The following HSPH1 variants were observed in gnomAD, a reference collection of about 807,000 sequenced individuals.
The protein encoded by HSPH1 is heat shock protein family H (Hsp110) member 1, also known as heat shock protein 105 kDa.
HSPH1 carries 40 observed loss-of-function variants against 100.0 expected under a neutral mutation model. That is an observed-to-expected ratio of 0.40 (90% confidence interval 0.31 to 0.52). The LOEUF (loss-of-function observed/expected upper bound fraction) is 0.52. HSPH1 is among the 20% of genes least tolerant of loss of function. The pLI, the probability that HSPH1 is intolerant of heterozygous loss-of-function variation, is 0.54. For missense variants in HSPH1, 876 were observed against 1,015.1 expected (o/e 0.86, Z 1.86); for synonymous variants, 403 against 344.0 (o/e 1.17, Z -1.90).
Position 31,143,880 on chromosome 13 carries a change from T to G in HSPH1, c.1628A>C (p.Gln543Pro). 1.9e-6 allele frequency: 3 copies of G among 1,610,336 alleles called. No homozygotes were observed. Among genetic ancestry groups the G allele is most frequent in the Non-Finnish European group, 2.5e-6 (3 of 1,178,000 alleles). Residue 543 changes from glutamine to proline, a missense_variant, in exon 12 of 18, where the codon CAG (glutamine) becomes CCG (proline). Gln to Pro is a moderately conservative substitution (Grantham distance 76). Coordinates refer to ENST00000320027, the MANE Select transcript of HSPH1 (RefSeq NM_006644.4). ...GGTTTGTTGAGCATCAGTTTGTACCTGGGGCTGTGTTCCAGCTTCACTGTT... is the reference window on the plus strand; with the variant it reads ...GGTTTGTTGAGCATCAGTTTGTACCGGGGGCTGTGTTCCAGCTTCACTGTT... ...QDNSEAGTQPQVQTDAQQTSQ... is the reference protein window; with the variant it reads ...QDNSEAGTQPPVQTDAQQTSQ...
chr13:31,154,528 G>T (rs766623242), intron 4 of HSPH1, 105 bp downstream of exon 4: 2 of 1,272,334 alleles, frequency 1.6e-6, no homozygotes, highest in East Asian at 2.3e-5. Context: ...AGTAGAACAC[G>T]GTCTCTAGTA....
intron 12 of HSPH1, among the ~76,000 whole-genome samples, chr13:31,142,366 G>A (rs752637288): frequency 2.0e-5 from 3 of 152,068 alleles, no homozygotes; most frequent in Non-Finnish European, 2.9e-5. Context: ...GCCATAAGCT[G>A]TATCACTACG....
intron 6 of HSPH1, 81 bp from the exon 7 acceptor site, chr13:31,151,272 A>G (rs1956478460): frequency 8.9e-7 from 1 of 1,129,848 alleles, no homozygotes; most frequent in African/African-American, 1.6e-5. Flanking sequence ...CTACTCAAAC[A>G]ATGAAAGACT....
chr13:31,157,881 T>C (rs1003369654), intron 2 of HSPH1, among the ~76,000 whole-genome samples: 4 of 152,166 alleles, frequency 2.6e-5, no homozygotes, highest in Admixed American at 2.6e-4. Flanking sequence ...TTAGGAACTA[T>C]CACTTCAATA....
intron 17 of HSPH1, among the ~76,000 whole-genome samples, chr13:31,138,048 C>T (rs76989603): frequency 0.036 from 5,426 of 152,176 alleles, 318 homozygotes; most frequent in African/African-American, 0.12. Context: ...TAGCACTTAA[C>T]ATCTCTGATA....
rs776636320 is a variant in HSPH1 at position 31,138,452 on chromosome 13, A to G, written c.2325T>C (p.Asp775=). ...VMNAQAKKSL[D]QDPVVRAQEI... ...CCTGAGCACGTACAACTGGATCCTGATCAAGACTCTTTTTAGCCTGAGCAT... is the reference window on the plus strand; with the variant it reads ...CCTGAGCACGTACAACTGGATCCTGGTCAAGACTCTTTTTAGCCTGAGCAT... The change falls in exon 17 of 18, where the codon GAT becomes GAC. Residue 775 remains aspartate (D), a synonymous_variant. Coordinates refer to ENST00000320027, the MANE Select transcript of HSPH1 (RefSeq NM_006644.4). 1 of 1,613,370 alleles carries G rather than the reference A, an allele frequency of 6.2e-7. No homozygotes were observed. The highest frequency in any genetic ancestry group is 8.5e-7 in the Non-Finnish European group (1 of 1,179,500).
At chr13:31,150,469 T>C (rs1370811939) in intron 7 of HSPH1, among the ~76,000 whole-genome samples, 3 of 152,182 alleles carry the variant, frequency 2.0e-5, no homozygotes, top group African/African-American at 7.2e-5. Flanking sequence ...CACAGAGTCT[T>C]GCTGAGTGCA....
intron 17 of HSPH1, 25 bp downstream of exon 17, chr13:31,138,382 G>A (rs2137531739): frequency 6.2e-7 from 1 of 1,607,414 alleles, no homozygotes; most frequent in Non-Finnish European, 8.5e-7. Context: ...GAACCCAGCA[G>A]TAAACACGAG....
intron 6 of HSPH1, chr13:31,151,408 A>C (rs1956482079): frequency 2.9e-6 from 2 of 679,328 alleles, no homozygotes; most frequent in East Asian, 2.8e-5. Context: ...TTTCTTTCCT[A>C]AACAAGAACA....
intron 3 of HSPH1, 28 bp downstream of exon 3, chr13:31,155,486 T>C: frequency 6.4e-7 from 1 of 1,560,464 alleles, no homozygotes; most frequent in Non-Finnish European, 8.7e-7. Flanking sequence ...TAAGTTGGTA[T>C]TTTTCTAAGG....
intron 7 of HSPH1, among the ~76,000 whole-genome samples, 190 bp from the exon 8 acceptor site, chr13:31,150,372 C>T (rs928412215): frequency 2.6e-5 from 4 of 152,104 alleles, no homozygotes; most frequent in Admixed American, 6.6e-5. Flanking sequence ...AAAGATGATG[C>T]GGAAGACAGT....
rs1956540813 is a variant in HSPH1, at chr13:31,152,938, A to T, written c.443T>A (p.Phe148Tyr). The T allele has an allele frequency of 6.2e-7, 1 of 1,611,342 alleles. No homozygotes were observed. Among genetic ancestry groups the T allele is most frequent in the African/African-American group, 1.3e-5 (1 of 74,850 alleles). Residue 148 changes from phenylalanine (F) to tyrosine (Y), a missense_variant, in exon 5 of 18, where the codon TTT becomes TAT. Transcript: ENST00000320027. Reference protein sequence around the residue: ...TDCVISVPSFFTDAERRSVLD... With the variant: ...TDCVISVPSFYTDAERRSVLD... ...CACAGATCGCCTCTCAGCATCTGTA[A>T]AGAAGGAGGGGACCTACAAACAAAC...
chr13:31,151,476 T>C, intron 6 of HSPH1, 133 bp downstream of exon 6: 4 of 838,694 alleles, frequency 4.8e-6, no homozygotes, highest in Non-Finnish European at 5.4e-6. Flanking sequence ...TTAGCAACCG[T>C]TTCCTGTTAA....
rs981140339 is a variant in HSPH1 at position 31,137,031 on chromosome 13, A to G, written c.*287T>C. On this transcript the variant is annotated 3_prime_UTR_variant, in exon 18 of 18. Coordinates refer to ENST00000320027, the MANE Select transcript of HSPH1 (RefSeq NM_006644.4). ...ACAAGCAGTACAGTTTTTTTTCTCC[A>G]AAAGACAAAAGTCAGTTTCATCCTC... 1.9e-6 allele frequency: 1 copy of G among 532,036 alleles called. No homozygotes were observed. The highest frequency in any genetic ancestry group is 3.6e-6 in the Non-Finnish European group (1 of 279,620). The allele number at this position is 532,036 out of a possible 1,614,324, so 33.0% of individuals were successfully genotyped here. A position where few individuals can be genotyped will look rare whatever the true frequency, so the allele number is the denominator to read the frequency against.
Position 31,151,043 on chromosome 13 carries a change from T to C in HSPH1, c.812A>G (p.Glu271Gly). 1 of 1,613,886 alleles carries C rather than the reference T, an allele frequency of 6.2e-7. No individual in the cohort carries two copies. Residue 271 changes from glutamate (E) to glycine (G), a missense_variant, in exon 7 of 18, where the codon GAA becomes GGA. Transcript: ENST00000320027. The part of the protein sequence containing the change: ...RALLRLYQEC[E>G]KLKKLMSSNS... ...AGAGCTCATTAGCTTTTTCAGTTTT[T>C]CACATTCCTGATACAGACGTAGGAG...
intron 10 of HSPH1, among the ~76,000 whole-genome samples, chr13:31,146,622 T>C (rs1956273118): frequency 6.6e-6 from 1 of 152,202 alleles, no homozygotes; most frequent in Non-Finnish European, 1.5e-5. Flanking sequence ...CCTGAAATTA[T>C]TATGTACAAT....
chr13:31,152,963 CA>C lies in HSPH1; in HGVS notation c.430-13del, dbSNP rs771371493. 9.5e-6 allele frequency: 15 copies of C among 1,585,256 alleles called. No homozygotes were observed. Among genetic ancestry groups the C allele is most frequent in the African/African-American group, 9.4e-5 (7 of 74,214 alleles). Reference sequence around the variant, plus strand: ...AAGAAGGAGGGGACCTACAAACAAACAAAAAATTTTGAATTATCTAGAACAC... The same window carrying C: ...AAGAAGGAGGGGACCTACAAACAAACAAAAATTTTGAATTATCTAGAACAC... On this transcript the variant is annotated splice_polypyrimidine_tract_variant and intron_variant, in intron 4 of 17. Coordinates refer to ENST00000320027, the MANE Select transcript of HSPH1 (RefSeq NM_006644.4).
chr13:31,148,402 A>G lies in HSPH1; in HGVS notation c.1216T>C (p.Trp406Arg). ...DAVPFPISLIWNHDSEDTEGV... is the reference protein window; with the variant it reads ...DAVPFPISLIRNHDSEDTEGV... ...TCAGTATCTTCTGAATCATGGTTCC[A>G]GATCAGAGATATTGGAAAAGGAACT... The change falls in exon 9 of 18, where the codon TGG (tryptophan) becomes CGG (arginine). Residue 406 changes from tryptophan to arginine, a missense_variant. Transcript: ENST00000320027. 1 of 1,580,328 alleles carries G rather than the reference A, an allele frequency of 6.3e-7. No individual in the cohort carries two copies. The highest frequency in any genetic ancestry group is 1.4e-5 in the African/African-American group (1 of 73,168).
At chr13:31,158,222 A>T (rs1004078557) in intron 2 of HSPH1, among the ~76,000 whole-genome samples, 1 of 152,222 alleles carries the variant, frequency 6.6e-6, no homozygotes, top group South Asian at 2.1e-4. Context: ...ATTTCTAAAA[A>T]TTAGATAAAT....
Sources: allele counts gnomAD v4.1 joint callset (sites outside exome capture counted in the v4.1 genomes callset), GRCh38; gene constraint gnomAD v4.1.1; transcripts MANE v1.5; gene names NCBI Gene and HGNC (gene_info 2026-07-23, HGNC 2026-07-21).